The following CDH4 variants were observed in gnomAD, a reference collection of about 807,000 sequenced individuals.
CDH4 encodes cadherin-4.
In CDH4, 33 loss-of-function variants were observed where a neutral mutation model predicts 86.0. The ratio of observed to expected loss-of-function variants is 0.38; its 90% CI spans 0.29 to 0.51. The LOEUF (loss-of-function observed/expected upper bound fraction) is 0.51, where lower values mean the gene tolerates loss of function less well. Ranked by LOEUF, CDH4 falls within the 20% of genes least tolerant of loss-of-function variation. The pLI is 0.86. For missense variants in CDH4, 1,114 were observed against 1,307.4 expected (o/e 0.85, Z 2.28); for synonymous variants, 555 against 549.4 (o/e 1.01, Z -0.14).
chr20:61,263,974 C>T (rs925049742), intron 2 of CDH4, among the ~76,000 whole-genome samples: 13 of 152,088 alleles, frequency 8.5e-5, no homozygotes, highest in African/African-American at 2.9e-4. Context: ...TGTAAGAATC[C>T]CTGTGATTAC....
intron 2 of CDH4, among the ~76,000 whole-genome samples, chr20:61,424,959 C>T (rs1295154065): frequency 1.3e-5 from 2 of 152,266 alleles, no homozygotes; most frequent in African/African-American, 4.8e-5. Flanking sequence ...ACTGGACCCA[C>T]CACGTGCAGC....
intron 2 of CDH4, among the ~76,000 whole-genome samples, chr20:61,674,393 C>T (rs754084105): frequency 2.0e-5 from 3 of 152,174 alleles, no homozygotes; most frequent in Non-Finnish European, 4.4e-5. Flanking sequence ...GGAGGGTGGG[C>T]ATTAACTAGA....
intron 2 of CDH4, among the ~76,000 whole-genome samples, chr20:61,597,836 C>G (rs2086568065): frequency 6.6e-6 from 1 of 152,180 alleles, no homozygotes; most frequent in South Asian, 2.1e-4. Flanking sequence ...CAAGACCAAG[C>G]CTCAGATGCA....
At chr20:61,285,854 G>A (rs1374819954) in intron 2 of CDH4, among the ~76,000 whole-genome samples, 1 of 152,198 alleles carries the variant, frequency 6.6e-6, no homozygotes, top group Non-Finnish European at 1.5e-5. Flanking sequence ...GATGTTGCCC[G>A]GCTCACCTGG....
chr20:61,801,235 CA>C (rs936564917), intron 4 of CDH4, among the ~76,000 whole-genome samples: 4 of 152,172 alleles, frequency 2.6e-5, no homozygotes, highest in Non-Finnish European at 5.9e-5. Context: ...CGGCAGAAAG[CA>C]GGGTGGTCCC....
rs368759746 is a variant in CDH4, at chr20:61,839,770, TGTG to T, written c.577-4897_577-4895del. ...GTATGTTTGTGTGTTGTATATGTGT[TGTG>T]TGTGTACATGTATGTGTGCTGTGTG... On this transcript the variant is annotated intron_variant, in intron 4 of 15. Transcript: ENST00000614565. 5.1e-3 allele frequency among the ~76,000 whole-genome samples: 768 copies of T among 152,016 alleles called. 8 individuals carry two copies. The highest frequency in any genetic ancestry group is 0.017 in the African/African-American group (706 of 41,464).
rs2085000870 is a variant in CDH4, at chr20:61,393,903, C to T, written c.169+138966C>T. Among the ~76,000 whole-genome samples the T allele has an allele frequency of 6.6e-6, 1 of 151,992 alleles. No homozygotes were observed. The highest frequency in any genetic ancestry group is 1.5e-5 in the Non-Finnish European group (1 of 68,008). ...TGTAACGCCCCTGGAAAAGAGTGTG[C>T]ACTTAATGTTACCATTAACATCATC... On this transcript the variant is annotated intron_variant, in intron 2 of 15. Coordinates refer to ENST00000614565, the MANE Select transcript of CDH4 (RefSeq NM_001794.5). This position sits in a 1 kb window ranked among gnomAD's most constrained non-coding sequence, Gnocchi z 4.3.
At chr20:61,657,109 G>A (rs557178867) in intron 2 of CDH4, among the ~76,000 whole-genome samples, 63 of 152,284 alleles carry the variant, frequency 4.1e-4, no homozygotes, top group East Asian at 3.9e-4. Flanking sequence ...TATGCCAAAC[G>A]CACGCTCAGT....
At chr20:61,713,369 C>T (rs1314594000) in intron 2 of CDH4, among the ~76,000 whole-genome samples, 1 of 152,228 alleles carries the variant, frequency 6.6e-6, no homozygotes, top group Admixed American at 6.5e-5. Flanking sequence ...CCCGTGCAAG[C>T]AGCCCACCTT....
At position 61,745,069 on chromosome 20, in the gene CDH4, C is replaced by G. The variant is rs550186140; in HGVS notation, c.396+1280C>G. On this transcript the variant is annotated intron_variant, in intron 3 of 15. Transcript: ENST00000614565. ...CAGATCCCCCCAGTTAACATGAGGC[C>G]TCTATGGGGTCGTTTGAGATACGGT... 2.6e-5 allele frequency among the ~76,000 whole-genome samples: 4 copies of G among 152,320 alleles called. No homozygotes were observed. The East Asian group carries it at 7.7e-4, about 29-fold the overall frequency.
chr20:61,790,431 T>C (rs1189177814), intron 4 of CDH4, among the ~76,000 whole-genome samples: 3 of 150,524 alleles, frequency 2.0e-5, no homozygotes, highest in Non-Finnish European at 4.4e-5. Context: ...CATTCATCTC[T>C]CCATCCATCC....
At chr20:61,511,374 C>G (rs1307575441) in intron 2 of CDH4, among the ~76,000 whole-genome samples, 1 of 152,192 alleles carries the variant, frequency 6.6e-6, no homozygotes, top group African/African-American at 2.4e-5. Context: ...GCCAGGAAGA[C>G]CCTGCTCTGC....
intron 3 of CDH4, among the ~76,000 whole-genome samples, chr20:61,763,629 G>A (rs922950099): frequency 1.3e-5 from 2 of 152,104 alleles, no homozygotes; most frequent in Non-Finnish European, 2.9e-5. Flanking sequence ...CAGCTCCCAT[G>A]CCCCGGCCAG....
At chr20:61,317,336 G>T (rs369196742) in intron 2 of CDH4, among the ~76,000 whole-genome samples, 1 of 152,116 alleles carries the variant, frequency 6.6e-6, no homozygotes, top group Non-Finnish European at 1.5e-5. Flanking sequence ...TCAGCCTCCC[G>T]AATAACCTGC....
intron 2 of CDH4, among the ~76,000 whole-genome samples, chr20:61,361,345 T>G (rs2084782209): frequency 6.6e-6 from 1 of 152,056 alleles, no homozygotes; most frequent in Admixed American, 6.5e-5. Flanking sequence ...GCTTTCATGA[T>G]CACATGTGTC....
chr20:61,920,368 CGTGATTGGAAGCGTGGTGTCGCG>C (rs1250476254), intron 9 of CDH4, among the ~76,000 whole-genome samples: 3 of 3,196 alleles, frequency 9.4e-4, no homozygotes, highest in East Asian at 0.014. Flanking sequence ...GGAAGCGTGT[CGTGATTGGAAGCGTGGTGTCGCG>C]GTGATTGTGT....
chr20:61,871,652 G>A (rs756775839), intron 6 of CDH4, among the ~76,000 whole-genome samples: 27 of 152,122 alleles, frequency 1.8e-4, no homozygotes, highest in Non-Finnish European at 3.2e-4. Flanking sequence ...TTGGGACCAG[G>A]CTTGTTGTGC....
intron 2 of CDH4, among the ~76,000 whole-genome samples, chr20:61,427,433 G>A (rs879439944): frequency 7.2e-5 from 11 of 152,074 alleles, no homozygotes; most frequent in East Asian, 1.9e-4. Flanking sequence ...TCAGAACGTC[G>A]TCTTCCCTGA....
At chr20:61,565,228 T>TGCTGGTCCTCTTGGTGATGG (rs2086269499) in intron 2 of CDH4, among the ~76,000 whole-genome samples, 1 of 29,258 alleles carries the variant, frequency 3.4e-5, no homozygotes, top group African/African-American at 1.4e-4. Context: ...TGGTAGGTGG[T>TGCTGGTCCTCTTGGTGATGG]GGTGGTGGTG....
Sources: gnomAD v4.1 joint callset for allele counts (sites outside exome capture counted in the v4.1 genomes callset) on GRCh38, gnomAD v4.1.1 for gene constraint, Gnocchi (gnomAD v3.1) non-coding constraint, MANE v1.5 for transcripts, NCBI Gene and HGNC (gene_info 2026-07-23, HGNC 2026-07-21) for gene names.